CABCOCO1: variants seen among roughly 807,000 people sequenced by gnomAD.
CABCOCO1 encodes the protein ciliary-associated calcium-binding coiled-coil protein 1.
CABCOCO1 carries 28 observed loss-of-function variants against 35.7 expected under a neutral mutation model. The ratio of observed to expected loss-of-function variants is 0.78; its 90% CI spans 0.58 to 1.07. The LOEUF (loss-of-function observed/expected upper bound fraction) is 1.07. Ranked by LOEUF, CABCOCO1 falls within the 50% of genes least tolerant of loss-of-function variation. CABCOCO1 has a pLI of 0.00. For missense variants in CABCOCO1, 326 were observed against 309.2 expected (o/e 1.05, Z -0.41); for synonymous variants, 95 against 100.1 (o/e 0.95, Z 0.30).
At chr10:61,720,055 C>T (rs890238069) in intron 5 of CABCOCO1, among the ~76,000 whole-genome samples, 1 of 151,526 alleles carries the variant, frequency 6.6e-6, no homozygotes, top group African/African-American at 2.4e-5. Context: ...CTGAAGGAAA[C>T]AGTAGAACGA....
intron 1 of CABCOCO1, among the ~76,000 whole-genome samples, chr10:61,665,303 T>G (rs1481941907): frequency 6.6e-6 from 1 of 152,212 alleles, no homozygotes; most frequent in East Asian, 1.9e-4. Context: ...TCTAGAGAAA[T>G]TATTTTTTCT....
chr10:61,718,241 G>A (rs1242948830), intron 5 of CABCOCO1, among the ~76,000 whole-genome samples: 1 of 152,090 alleles, frequency 6.6e-6, no homozygotes, highest in African/African-American at 2.4e-5. Flanking sequence ...ATGAAGCAAA[G>A]GTCAGATTTT....
intron 5 of CABCOCO1, among the ~76,000 whole-genome samples, chr10:61,707,078 A>G (rs1035837644): frequency 2.6e-5 from 4 of 152,148 alleles, no homozygotes; most frequent in African/African-American, 9.7e-5. Context: ...CAGGAAACTG[A>G]TCCTCAAATG....
chr10:61,694,933 G>A (rs895307474), intron 5 of CABCOCO1, among the ~76,000 whole-genome samples: 1 of 152,036 alleles, frequency 6.6e-6, no homozygotes, highest in African/African-American at 2.4e-5. Flanking sequence ...CATTTCTGGT[G>A]GATTTAGGTT....
At chr10:61,761,499 C>T (rs943277274) in intron 7 of CABCOCO1, among the ~76,000 whole-genome samples, 6 of 151,942 alleles carry the variant, frequency 3.9e-5, no homozygotes, top group African/African-American at 1.5e-4. Flanking sequence ...TGGCAGCAGC[C>T]GTATGAATAG....
chr10:61,760,290 C>G (rs1403276626), intron 6 of CABCOCO1, 109 bp downstream of exon 6: 1 of 1,374,738 alleles, frequency 7.3e-7, no homozygotes, highest in Non-Finnish European at 9.8e-7. Flanking sequence ...CTGATTTTTC[C>G]CAACCAAATA....
rs2132102322 is a variant in CABCOCO1, at chr10:61,766,564, A to C, written c.*551A>C. The C allele has an allele frequency of 6.6e-6, 1 of 152,164 alleles. No individual in the cohort carries two copies. The highest frequency in any genetic ancestry group is 2.1e-4 in the South Asian group (1 of 4,812). 9.4% of individuals were successfully genotyped at this position (152,164 alleles called of 1,614,324 possible). On this transcript the variant is annotated 3_prime_UTR_variant, in exon 8 of 8. Transcript: ENST00000648843. ...TCTTATTTAAACGTTTCAGTGTGAA[A>C]CCAATTTTCTGAAATTATATAATGC... is the stretch of plus-strand genomic sequence containing the variant.
chr10:61,687,080 C>G (rs1056370210), intron 4 of CABCOCO1, among the ~76,000 whole-genome samples: 1 of 152,130 alleles, frequency 6.6e-6, no homozygotes, highest in African/African-American at 2.4e-5. Flanking sequence ...AGGATTCTAG[C>G]TGAAATCTAG....
chr10:61,739,936 C>T (rs888372326), intron 5 of CABCOCO1, among the ~76,000 whole-genome samples: 43 of 151,316 alleles, frequency 2.8e-4, no homozygotes, highest in African/African-American at 8.2e-4. Flanking sequence ...AGCGAGACTC[C>T]GTCTCAAAAA....
intron 5 of CABCOCO1, among the ~76,000 whole-genome samples, chr10:61,717,464 G>C (rs1284197730): frequency 6.6e-6 from 1 of 151,840 alleles, no homozygotes; most frequent in Non-Finnish European, 1.5e-5. Flanking sequence ...GCCTAATAAT[G>C]ACTTAGTTTT....
intron 1 of CABCOCO1, among the ~76,000 whole-genome samples, chr10:61,668,439 A>T (rs1234067226): frequency 6.6e-6 from 1 of 152,046 alleles, no homozygotes; most frequent in East Asian, 1.9e-4. Flanking sequence ...TAAAACTACA[A>T]GTGTAAAACC....
chr10:61,713,002 T>A (rs1302901446), intron 5 of CABCOCO1, among the ~76,000 whole-genome samples: 1 of 152,200 alleles, frequency 6.6e-6, no homozygotes, highest in African/African-American at 2.4e-5. Context: ...CTTTTTTGGT[T>A]CTATATGAAC....
chr10:61,665,299 G>T (rs1252549873), intron 1 of CABCOCO1, among the ~76,000 whole-genome samples: 4 of 152,154 alleles, frequency 2.6e-5, no homozygotes, highest in Non-Finnish European at 5.9e-5. Context: ...CAGATCTAGA[G>T]AAATTATTTT....
chr10:61,731,941 C>T (rs1190797406), intron 5 of CABCOCO1, among the ~76,000 whole-genome samples: 1 of 151,894 alleles, frequency 6.6e-6, no homozygotes, highest in Non-Finnish European at 1.5e-5. Flanking sequence ...TTACAATTTA[C>T]CTGTTCTAAA....
intron 5 of CABCOCO1, among the ~76,000 whole-genome samples, chr10:61,696,198 A>G (rs1840290576): frequency 6.6e-6 from 1 of 152,090 alleles, no homozygotes; most frequent in Admixed American, 6.6e-5. Context: ...GAGGAAAGTA[A>G]AAGTACTCAC....
chr10:61,710,585 C>G (rs1840710405), intron 5 of CABCOCO1, among the ~76,000 whole-genome samples: 1 of 151,890 alleles, frequency 6.6e-6, no homozygotes, highest in South Asian at 2.1e-4. Flanking sequence ...GGTTTCAGCT[C>G]TGATGGACTA....
At chr10:61,679,326 T>TATCTA (rs1554821369) in intron 2 of CABCOCO1, among the ~76,000 whole-genome samples, 3 of 106,908 alleles carry the variant, frequency 2.8e-5, no homozygotes, top group Admixed American at 1.0e-4. Context: ...TCTATATCTA[T>TATCTA]ATCTATCTAT....
chr10:61,737,012 G>A (rs950013985), intron 5 of CABCOCO1, among the ~76,000 whole-genome samples: 3 of 152,124 alleles, frequency 2.0e-5, no homozygotes, highest in African/African-American at 7.2e-5. Flanking sequence ...CAACTTTGCT[G>A]AAGTTGATTA....
chr10:61,710,253 AGTGTGTGTGTGTGTGTGTGTGT>A (rs55784501), intron 5 of CABCOCO1, among the ~76,000 whole-genome samples: 1 of 146,556 alleles, frequency 6.8e-6, no homozygotes, highest in East Asian at 2.0e-4. Flanking sequence ...TGTGTGTGTG[AGTGTGTGTGTGTGTGTGTGTGT>A]GTGTGTGTGT....
Sources: allele counts gnomAD v4.1 joint callset (sites outside exome capture counted in the v4.1 genomes callset), GRCh38; gene constraint gnomAD v4.1.1; transcripts MANE v1.5; gene names NCBI Gene and HGNC (gene_info 2026-07-23, HGNC 2026-07-21).